PTPRM: variants seen among roughly 807,000 people sequenced by gnomAD.
PTPRM encodes the protein protein tyrosine phosphatase receptor type M.
A neutral mutation model predicts 186.7 loss-of-function variants in PTPRM; 47 were observed. The ratio of observed to expected loss-of-function variants is 0.25; its 90% CI spans 0.20 to 0.32. The LOEUF is 0.32. Ranked by LOEUF, PTPRM falls within the 10% of genes least tolerant of loss-of-function variation. The pLI is 1.00. For synonymous variants in PTPRM, 668 were observed against 674.9 expected (o/e 0.99, Z 0.16); for missense variants, 1,494 against 1,865.0 (o/e 0.80, Z 3.66).
chr18:7,921,557 T>C (rs963550163), intron 4 of PTPRM, among the ~76,000 whole-genome samples: 4 of 152,042 alleles, frequency 2.6e-5, no homozygotes, highest in Admixed American at 2.6e-4. Flanking sequence ...ATTTTTTGTA[T>C]TTTTAATAGA....
intron 7 of PTPRM, among the ~76,000 whole-genome samples, chr18:7,966,878 G>T (rs560859490): frequency 7.9e-6 from 1 of 127,376 alleles, no homozygotes; most frequent in Non-Finnish European, 1.9e-5. Flanking sequence ...GAGGCTGGGG[G>T]AGGGGCGCCC....
intron 14 of PTPRM, among the ~76,000 whole-genome samples, chr18:8,176,811 A>G (rs1367379301): frequency 1.3e-5 from 2 of 152,232 alleles, no homozygotes; most frequent in Non-Finnish European, 2.9e-5. Flanking sequence ...AACCTCGGCA[A>G]TAATAAAGGC....
At chr18:8,390,284 T>C (rs894902536) in intron 31 of PTPRM, among the ~76,000 whole-genome samples, 11 of 152,204 alleles carry the variant, frequency 7.2e-5, no homozygotes, top group Admixed American at 1.3e-4. Context: ...CCCTTCTAGA[T>C]AGATGGTAGA....
chr18:7,926,716 G>C (rs1263302802), intron 5 of PTPRM, 33 bp downstream of exon 5: 5 of 1,523,394 alleles, frequency 3.3e-6, no homozygotes, highest in Admixed American at 1.9e-5. Context: ...GTTGATGAGA[G>C]TCCAGCGGGA....
At chr18:7,767,042 C>G (rs1284419427) in intron 1 of PTPRM, among the ~76,000 whole-genome samples, 1 of 152,182 alleles carries the variant, frequency 6.6e-6, no homozygotes, top group Non-Finnish European at 1.5e-5. Flanking sequence ...TAGGCAGAAT[C>G]TGACTGGCAC....
At chr18:8,095,027 G>T (rs544050554) in intron 11 of PTPRM, among the ~76,000 whole-genome samples, 240 of 152,232 alleles carry the variant, frequency 1.6e-3, no homozygotes, top group African/African-American at 5.4e-3. Context: ...TCTTACAGCT[G>T]TGCTAGGATT....
chr18:7,639,025 T>A (rs543351302), intron 1 of PTPRM, among the ~76,000 whole-genome samples: 1 of 152,342 alleles, frequency 6.6e-6, no homozygotes, highest in South Asian at 2.1e-4. Flanking sequence ...GTAAATTTTC[T>A]TGTTTTCCAG....
At chr18:7,841,190 G>C (rs1182597392) in intron 2 of PTPRM, among the ~76,000 whole-genome samples, 8 of 149,978 alleles carry the variant, frequency 5.3e-5, no homozygotes, top group Admixed American at 2.7e-4. Flanking sequence ...CTGGAGCTTT[G>C]CTTTTGCATA....
intron 8 of PTPRM, 48 bp from the exon 9 acceptor site, chr18:8,076,407 T>A: frequency 1.7e-6 from 2 of 1,157,584 alleles, no homozygotes; most frequent in South Asian, 1.3e-5. Flanking sequence ...AAATCTACTT[T>A]TTAATTGTTT....
At chr18:7,694,722 G>A (rs541633423) in intron 1 of PTPRM, among the ~76,000 whole-genome samples, 4 of 152,144 alleles carry the variant, frequency 2.6e-5, no homozygotes, top group East Asian at 1.9e-4. Context: ...CCGCCGTGCC[G>A]CTGGAAACCC....
intron 4 of PTPRM, among the ~76,000 whole-genome samples, chr18:7,914,875 A>C (rs886108043): frequency 6.6e-6 from 1 of 152,132 alleles, no homozygotes; most frequent in African/African-American, 2.4e-5. Flanking sequence ...AATATTAACT[A>C]TTTTTATTCT....
At chr18:7,835,845 TTTTTG>T (rs201053851) in intron 2 of PTPRM, among the ~76,000 whole-genome samples, 4,264 of 151,758 alleles carry the variant, frequency 0.028, 121 homozygotes, top group African/African-American at 0.076. Flanking sequence ...CTTAAAGTTT[TTTTTG>T]TTTTGTTTTG....
intron 13 of PTPRM, among the ~76,000 whole-genome samples, chr18:8,136,897 GA>G (rs2092651778): frequency 6.6e-6 from 1 of 152,204 alleles, no homozygotes; most frequent in East Asian, 1.9e-4. Flanking sequence ...CTGTTTTTAA[GA>G]AAAAGTATAG....
At chr18:8,165,503 G>A (rs1343587580) in intron 14 of PTPRM, among the ~76,000 whole-genome samples, 2 of 152,232 alleles carry the variant, frequency 1.3e-5, no homozygotes, top group Admixed American at 6.5e-5. Context: ...AGTGGTGACA[G>A]TGAGAAAACC....
chr18:8,136,448 C>G (rs745519549), intron 13 of PTPRM, among the ~76,000 whole-genome samples: 1 of 152,076 alleles, frequency 6.6e-6, no homozygotes, highest in Non-Finnish European at 1.5e-5. Flanking sequence ...GAGGCAGTAA[C>G]TGTCATGAAA....
chr18:8,073,355 G>A (rs1209997012), intron 8 of PTPRM, among the ~76,000 whole-genome samples: 1 of 152,196 alleles, frequency 6.6e-6, no homozygotes, highest in African/African-American at 2.4e-5. Context: ...AACTGATGAT[G>A]TCATCATCAT....
At chr18:7,976,327 T>C (rs997767636) in intron 7 of PTPRM, among the ~76,000 whole-genome samples, 6 of 152,322 alleles carry the variant, frequency 3.9e-5, no homozygotes, top group Admixed American at 6.5e-5. Flanking sequence ...AGGTAGATCA[T>C]AGAGGACTTT....
chr18:8,267,242 T>A (rs1407474279), intron 19 of PTPRM, among the ~76,000 whole-genome samples: 2 of 152,234 alleles, frequency 1.3e-5, no homozygotes, highest in Non-Finnish European at 2.9e-5. Flanking sequence ...GAGAATATAC[T>A]ATAAATCCAA....
At chr18:7,926,527 A>C in intron 4 of PTPRM, 41 bp from the exon 5 acceptor site, 1 of 1,435,224 alleles carries the variant, frequency 7.0e-7, no homozygotes, top group Non-Finnish European at 9.6e-7. Flanking sequence ...TTAGTTACAA[A>C]TCTCCACTTT....
Sources: gnomAD v4.1 joint callset for allele counts (sites outside exome capture counted in the v4.1 genomes callset) on GRCh38, gnomAD v4.1.1 for gene constraint, MANE v1.5 for transcripts, NCBI Gene and HGNC (gene_info 2026-07-23, HGNC 2026-07-21) for gene names.